ZNF184: variants seen among roughly 807,000 people sequenced by gnomAD.
The protein encoded by ZNF184 is zinc finger protein 184, also known as zinc finger protein 184 (Kruppel-like).
A neutral mutation model predicts 54.4 loss-of-function variants in ZNF184; 16 were observed. The ratio of observed to expected loss-of-function variants is 0.29; its 90% CI spans 0.20 to 0.45. The LOEUF (loss-of-function observed/expected upper bound fraction) is 0.45, where lower values mean the gene tolerates loss of function less well. ZNF184 is among the 20% of genes least tolerant of loss of function. The pLI is 1.00. For synonymous variants in ZNF184, 254 were observed against 295.3 expected, an observed-to-expected ratio of 0.86 and a Z score of 1.43; for missense variants, 681 against 888.2, an observed-to-expected ratio of 0.77 and a Z score of 2.97.
the ZNF184 span, among the ~76,000 whole-genome samples, chr6:27,424,593 CAG>C: frequency 6.6e-5 from 10 of 152,218 alleles, no homozygotes; most frequent in Non-Finnish European, 1.5e-5. Flanking sequence ...TAGCTAGATA[CAG>C]AGTGTCGATT....
At chr6:27,448,554 C>T (rs963211468), downstream of ZNF184, among the ~76,000 whole-genome samples, 10 of 152,174 alleles carry the variant, frequency 6.6e-5, no homozygotes, top group African/African-American at 2.4e-4. Context: ...TGAGGAACTA[C>T]ACCCCCAGCT....
chr6:27,461,204 T>A (rs1581582489), intron 3 of ZNF184, among the ~76,000 whole-genome samples: 2 of 152,170 alleles, frequency 1.3e-5, no homozygotes, highest in East Asian at 3.9e-4. Flanking sequence ...ATTCCCTGGG[T>A]AGACATTCTT....
chr6:27,472,381 C>G lies in ZNF184; in HGVS notation c.-87G>C. On this transcript the variant is annotated 5_prime_UTR_variant, in exon 2 of 6. Coordinates refer to ENST00000683788, the MANE Select transcript of ZNF184 (RefSeq NM_001318891.2). The surrounding 1 kb of genome is among the most constrained non-coding windows in gnomAD (Gnocchi z 4.8). Reference sequence around the variant, plus strand: ...TCAGCTGGTATCTCGGTCTAGGACTCAGATGTCTAACTCCCCTTGCAGGGA... The same window carrying G: ...TCAGCTGGTATCTCGGTCTAGGACTGAGATGTCTAACTCCCCTTGCAGGGA... The G allele has an allele frequency of 1.9e-6, 3 of 1,565,318 alleles. No homozygotes were observed. The highest frequency in any genetic ancestry group is 2.6e-6 in the Non-Finnish European group (3 of 1,138,720).
chr6:27,456,021 G>A (rs765717534), intron 5 of ZNF184, among the ~76,000 whole-genome samples: 2 of 152,162 alleles, frequency 1.3e-5, no homozygotes, highest in Non-Finnish European at 2.9e-5. Flanking sequence ...ACTTTGAGAC[G>A]CTGAGGCGGG....
At chr6:27,427,352 G>A in the ZNF184 span, among the ~76,000 whole-genome samples, 3 of 152,062 alleles carry the variant, frequency 2.0e-5, no homozygotes, top group African/African-American at 7.2e-5. Context: ...CTGCACTAAC[G>A]CCTAGTTGGT....
chr6:27,457,206 G>T, intron 4 of ZNF184, 77 bp downstream of exon 4: 2 of 1,534,604 alleles, frequency 1.3e-6, no homozygotes, highest in South Asian at 1.3e-5. Flanking sequence ...TAAACTTAAA[G>T]GCAAACTCCC....
chr6:27,458,777 C>T (rs1762927496), intron 3 of ZNF184, among the ~76,000 whole-genome samples: 1 of 152,102 alleles, frequency 6.6e-6, no homozygotes, highest in Admixed American at 6.6e-5. Context: ...CACATGCATC[C>T]CCATGTTTGC....
the ZNF184 span, among the ~76,000 whole-genome samples, chr6:27,442,799 AAAG>A: frequency 0.01 from 695 of 69,282 alleles, 69 homozygotes; most frequent in African/African-American, 0.019. Flanking sequence ...AGAAAGAAAG[AAAG>A]AGAAAGAAAG....
At position 27,452,393 on chromosome 6, in the gene ZNF184, G is replaced by GT. The variant is rs752046065; in HGVS notation, c.1165dup (p.Thr389AsnfsTer3). 4.3e-6 allele frequency: 7 copies of GT among 1,614,044 alleles called. No individual in the cohort carries two copies. The highest frequency in any genetic ancestry group is 5.9e-6 in the Non-Finnish European group (7 of 1,179,988). ...CTTTCCACATTCATTACATTTATAG[G>GT]TTTTTTCTCCAGTATGAATTTTTTG... On this transcript the variant is annotated frameshift_variant, in exon 6 of 6. Coordinates refer to ENST00000683788, the MANE Select transcript of ZNF184 (RefSeq NM_001318891.2). LOFTEE classifies it high-confidence loss of function. The surrounding 1 kb of genome is among the most constrained non-coding windows in gnomAD (Gnocchi z 5.5).
At chr6:27,466,144 G>A (rs1434105980) in intron 3 of ZNF184, among the ~76,000 whole-genome samples, 3 of 11,686 alleles carry the variant, frequency 2.6e-4, no homozygotes, top group Non-Finnish European at 4.0e-4. Context: ...GTCAGAGGGA[G>A]AGAGAGAGAG....
In ZNF184 at chr6:27,451,166, T is replaced by A. The variant is rs1266541419; in HGVS notation, c.*137A>T. 6 of 1,069,804 alleles carry A rather than the reference T, an allele frequency of 5.6e-6. No homozygotes were observed. Among genetic ancestry groups the A allele is most frequent in the East Asian group, 2.5e-5 (1 of 40,746 alleles). 66.3% of individuals were successfully genotyped at this position (1,069,804 alleles called of 1,614,324 possible). A position where few individuals can be genotyped will look rare whatever the true frequency, so the allele number is the denominator to read the frequency against. ...ATTGGATTAGTTCAGCCCAATGTAC[T>A]TTCCATTCCATAACATGATAGTGAA... On this transcript the variant is annotated 3_prime_UTR_variant, in exon 6 of 6. Coordinates refer to ENST00000683788, the MANE Select transcript of ZNF184 (RefSeq NM_001318891.2).
chr6:27,441,516 G>A, the ZNF184 span, among the ~76,000 whole-genome samples: 1 of 141,464 alleles, frequency 7.1e-6, no homozygotes, highest in African/African-American at 2.5e-5. Flanking sequence ...TATCTGGCCA[G>A]AACAGAATCT....
the ZNF184 span, among the ~76,000 whole-genome samples, chr6:27,418,337 A>G: frequency 2.0e-5 from 3 of 152,218 alleles, no homozygotes; most frequent in African/African-American, 7.2e-5. Context: ...AGCCCTGGAT[A>G]GGACCTGGCA....
chr6:27,456,656 T>C (rs1762861236), intron 5 of ZNF184, among the ~76,000 whole-genome samples, 170 bp downstream of exon 5: 1 of 152,140 alleles, frequency 6.6e-6, no homozygotes, highest in African/African-American at 2.4e-5. Flanking sequence ...TTGCAACAAT[T>C]AGTGACATAA....
the ZNF184 span, among the ~76,000 whole-genome samples, chr6:27,428,904 A>C: frequency 6.6e-6 from 1 of 152,232 alleles, no homozygotes; most frequent in Non-Finnish European, 1.5e-5. The surrounding 1 kb of genome is among the most constrained non-coding windows in gnomAD (Gnocchi z 4.1). Flanking sequence ...CTTTCATTTA[A>C]GTCATAAAAT....
At position 27,467,916 on chromosome 6, in the gene ZNF184, C is replaced by G. The variant is rs1360989794; in HGVS notation, c.12G>C (p.Leu4=). 2.5e-6 allele frequency: 4 copies of G among 1,609,056 alleles called. No individual in the cohort carries two copies. Among genetic ancestry groups the G allele is most frequent in the Non-Finnish European group, 3.4e-6 (4 of 1,177,628 alleles). The change falls in exon 3 of 6, where the codon CTG becomes CTC. Residue 4 remains leucine, a synonymous_variant. Coordinates refer to ENST00000683788, the MANE Select transcript of ZNF184 (RefSeq NM_001318891.2). MED[L]SSPDSTLLQG... is the part of the protein sequence containing the mutation. ...GGAGAAGGGTGGAGTCTGGAGAGGA[C>G]AGATCTAGGGGGAGAAGCAGGAGCC...
intron 3 of ZNF184, among the ~76,000 whole-genome samples, chr6:27,463,148 A>C: frequency 8.4e-6 from 1 of 119,364 alleles, no homozygotes; most frequent in African/African-American, 3.2e-5. Context: ...GGGGGGAGGG[A>C]CAGCATTAGG....
intron 3 of ZNF184, among the ~76,000 whole-genome samples, chr6:27,458,145 T>A (rs1188004883): frequency 6.6e-6 from 1 of 150,936 alleles, no homozygotes. Context: ...TAAAATAGAA[T>A]AAAAAACAGG....
the ZNF184 span, among the ~76,000 whole-genome samples, chr6:27,439,973 C>G: frequency 6.6e-6 from 1 of 152,116 alleles, no homozygotes; most frequent in East Asian, 1.9e-4. Flanking sequence ...ACTTCTTATC[C>G]TTAACTTTCT....
Sources: gnomAD v4.1 joint callset for allele counts (sites outside exome capture counted in the v4.1 genomes callset) on GRCh38, gnomAD v4.1.1 for gene constraint, Gnocchi (gnomAD v3.1) non-coding constraint, MANE v1.5 for transcripts, NCBI Gene and HGNC (gene_info 2026-07-23, HGNC 2026-07-21) for gene names.